Variants in TRIM33 observed in about 807,000 individuals in gnomAD.
The protein encoded by TRIM33 is E3 ubiquitin-protein ligase TRIM33.
Under a neutral mutation model 125.4 loss-of-function variants are expected in TRIM33, and 20 were observed. That is an observed-to-expected ratio of 0.16 (90% CI 0.11 to 0.23). TRIM33 has a LOEUF of 0.23. TRIM33 is among the 10% of genes least tolerant of loss of function. The pLI is 1.00. For synonymous variants in TRIM33, 564 were observed against 513.9 expected, an observed-to-expected ratio of 1.10 and a Z score of -1.32; for missense variants, 920 against 1,411.4, an observed-to-expected ratio of 0.65 and a Z score of 5.58.
At chr1:114,504,456 C>T (rs902367615) in intron 1 of TRIM33, among the ~76,000 whole-genome samples, 7 of 152,214 alleles carry the variant, frequency 4.6e-5, no homozygotes, top group African/African-American at 1.7e-4. Context: ...TCTTAATTCA[C>T]GCAGAGGTGA....
At chr1:114,457,623 G>A (rs1470698702) in intron 4 of TRIM33, among the ~76,000 whole-genome samples, 1 of 152,196 alleles carries the variant, frequency 6.6e-6, no homozygotes, top group Non-Finnish European at 1.5e-5. Context: ...TTATAAGCAG[G>A]TAGCTTCTTT....
At chr1:114,409,141 A>G (rs1229595482) in intron 12 of TRIM33, among the ~76,000 whole-genome samples, 3 of 152,230 alleles carry the variant, frequency 2.0e-5, no homozygotes, top group South Asian at 4.1e-4. Flanking sequence ...TGGAAAATCC[A>G]TATTTACATG....
intron 6 of TRIM33, 85 bp from the exon 7 acceptor site, chr1:114,427,979 T>C (rs1647697930): frequency 2.2e-6 from 3 of 1,368,760 alleles, no homozygotes; most frequent in Non-Finnish European, 3.0e-6. Context: ...GCACAATACC[T>C]ATACTTCCTT....
chr1:114,393,900 A>G lies in TRIM33; in HGVS notation c.*3748T>C. On this transcript the variant is annotated 3_prime_UTR_variant, in exon 20 of 20. Coordinates refer to ENST00000358465, the MANE Select transcript of TRIM33 (RefSeq NM_015906.4). ...AAGATAGACTGGGTGATATGCATAC[A>G]AACTTTCCTATAAAATCACCATCCA... is the stretch of plus-strand genomic sequence containing the variant. 4.6e-6 allele frequency: 1 copy of G among 218,154 alleles called. No homozygotes were observed. The highest frequency in any genetic ancestry group is 9.2e-6 in the Non-Finnish European group (1 of 108,274). 13.5% of individuals were successfully genotyped at this position (218,154 alleles called of 1,614,324 possible).
intron 1 of TRIM33, among the ~76,000 whole-genome samples, chr1:114,505,417 CAG>C (rs1415511341): frequency 6.6e-6 from 1 of 152,170 alleles, no homozygotes; most frequent in Non-Finnish European, 1.5e-5. Context: ...AGGGCTCAAA[CAG>C]AAGACTCCTC....
intron 1 of TRIM33, among the ~76,000 whole-genome samples, chr1:114,467,888 T>C (rs1235521459): frequency 6.6e-6 from 1 of 152,190 alleles, no homozygotes; most frequent in Non-Finnish European, 1.5e-5. Context: ...CTCCTTTCCC[T>C]TAGAAAATAA....
intron 1 of TRIM33, among the ~76,000 whole-genome samples, chr1:114,466,561 G>C (rs1650313930): frequency 6.6e-6 from 1 of 152,174 alleles, no homozygotes. Flanking sequence ...TGGTGTCCAA[G>C]TAGCTGATTA....
At chr1:114,483,367 T>C (rs544779967) in intron 1 of TRIM33, among the ~76,000 whole-genome samples, 1 of 150,920 alleles carries the variant, frequency 6.6e-6, no homozygotes, top group Admixed American at 6.6e-5. Flanking sequence ...ATCTGAATAC[T>C]AGATCAGTAA....
intron 11 of TRIM33, among the ~76,000 whole-genome samples, chr1:114,412,733 AATTTGTTTATCC>A (rs1480543692): frequency 2.0e-5 from 3 of 152,176 alleles, no homozygotes; most frequent in Admixed American, 2.0e-4. Context: ...ATGAACACAC[AATTTGTTTATCC>A]ATTTATTTGC....
Position 114,510,923 on chromosome 1 carries a change from T to G in TRIM33, c.154A>C (p.Arg52=). The part of the protein sequence containing the change: ...LVEEEEEEGG[R]AGAEGGAAGP... ...GCCGCGCCGCCCTCAGCGCCGGCCC[T>G]GCCGCCTTCCTCCTCCTCCTCCTCC... The change falls in exon 1 of 20, where the codon AGG becomes CGG. Residue 52 remains arginine (R), a synonymous_variant. Transcript: ENST00000358465. The G allele has an allele frequency of 7.0e-7, 1 of 1,418,622 alleles. No individual in the cohort carries two copies. Among genetic ancestry groups the G allele is most frequent in the Non-Finnish European group, 9.2e-7 (1 of 1,090,992 alleles). 87.9% of individuals were successfully genotyped at this position (1,418,622 alleles called of 1,614,324 possible). A position where few individuals can be genotyped will look rare whatever the true frequency, so the allele number is the denominator to read the frequency against.
In TRIM33 at chr1:114,444,035, T is replaced by C. The variant is rs182701293; in HGVS notation, c.924-10302A>G. On this transcript the variant is annotated intron_variant, in intron 4 of 19. Transcript: ENST00000358465. The stretch of plus-strand genomic sequence containing the variant: ...TCACTGAACCACATGCAGACAAAAA[T>C]TTACATTCCTTTAAAGAGCATCATA... Among the ~76,000 whole-genome samples, 10 of 152,150 alleles carry C rather than the reference T, an allele frequency of 6.6e-5. No individual in the cohort carries two copies. In the East Asian group the frequency reaches 1.7e-3, roughly 26 times the overall value.
intron 11 of TRIM33, among the ~76,000 whole-genome samples, chr1:114,417,997 G>A (rs1035809806): frequency 1.3e-5 from 2 of 152,178 alleles, no homozygotes; most frequent in African/African-American, 4.8e-5. Context: ...CTCTAGGAAA[G>A]TCACCAATGA....
chr1:114,424,846 G>A (rs964014428), intron 9 of TRIM33, 91 bp from the exon 10 acceptor site: 1 of 932,868 alleles, frequency 1.1e-6, no homozygotes, highest in Non-Finnish European at 1.5e-6. Context: ...ATTCAGTCAA[G>A]ATAAAAGGGT....
intron 4 of TRIM33, among the ~76,000 whole-genome samples, chr1:114,448,295 G>A (rs1005579157): frequency 4.6e-5 from 7 of 152,190 alleles, no homozygotes; most frequent in African/African-American, 1.7e-4. Context: ...AGTAGATGTG[G>A]TAGAGGGAGT....
At chr1:114,506,252 G>A (rs988689009) in intron 1 of TRIM33, among the ~76,000 whole-genome samples, 4 of 151,884 alleles carry the variant, frequency 2.6e-5, no homozygotes, top group East Asian at 3.9e-4. Context: ...GCATGGTGGC[G>A]GGTGCCTATA....
intron 1 of TRIM33, among the ~76,000 whole-genome samples, chr1:114,473,324 C>G (rs1650769993): frequency 2.0e-5 from 3 of 151,918 alleles, no homozygotes; most frequent in Admixed American, 2.0e-4. Flanking sequence ...AGGATGCGCC[C>G]TCACAGATGG....
chr1:114,479,188 C>T (rs1651151564), intron 1 of TRIM33, among the ~76,000 whole-genome samples: 1 of 152,092 alleles, frequency 6.6e-6, no homozygotes, highest in Non-Finnish European at 1.5e-5. Context: ...CAATGTCAAG[C>T]TCCCAACATA....
chr1:114,407,229 C>A, intron 13 of TRIM33, 129 bp from the exon 14 acceptor site: 1 of 758,850 alleles, frequency 1.3e-6, no homozygotes, highest in Non-Finnish European at 2.1e-6. Context: ...GATAAGGATA[C>A]CTCATAATGT....
At chr1:114,476,152 C>T (rs1329187498) in intron 1 of TRIM33, among the ~76,000 whole-genome samples, 3 of 151,540 alleles carry the variant, frequency 2.0e-5, no homozygotes, top group Non-Finnish European at 4.4e-5. Flanking sequence ...AGAATATATA[C>T]ATTTTTGGGT....
Sources: gnomAD v4.1 joint callset for allele counts (sites outside exome capture counted in the v4.1 genomes callset) on GRCh38, gnomAD v4.1.1 for gene constraint, MANE v1.5 for transcripts, NCBI Gene and HGNC (gene_info 2026-07-23, HGNC 2026-07-21) for gene names.